Variants in ADCY2 observed in about 807,000 individuals in gnomAD.
ADCY2 encodes the protein adenylate cyclase type 2.
ADCY2 carries 31 observed loss-of-function variants against 125.2 expected under a neutral mutation model. That is an observed-to-expected ratio of 0.25 (90% CI 0.19 to 0.33). The LOEUF is 0.33. ADCY2 is among the 10% of genes least tolerant of loss of function. The pLI, the probability that ADCY2 is intolerant of heterozygous loss-of-function variation, is 1.00. For synonymous variants in ADCY2, 512 were observed against 548.4 expected (o/e 0.93, Z 0.93); for missense variants, 904 against 1,418.2 (o/e 0.64, Z 5.82).
At chr5:7,798,438 A>G (rs959869031) in intron 20 of ADCY2, 20 of 152,310 alleles carry the variant, frequency 1.3e-4, no homozygotes, top group African/African-American at 4.8e-4. Context: ...AAACCCAGCT[A>G]GCAAGTTAGG....
At chr5:7,801,449 G>T (rs899563936) in intron 20 of ADCY2, 1 of 152,218 alleles carries the variant, frequency 6.6e-6, no homozygotes. Flanking sequence ...GCCATCTCAG[G>T]GGTCTGAGGA....
intron 19 of ADCY2, among the ~76,000 whole-genome samples, 183 bp from the exon 20 acceptor site, chr5:7,789,459 A>G (rs529088985): frequency 1.3e-5 from 2 of 152,158 alleles, no homozygotes; most frequent in East Asian, 3.9e-4. Flanking sequence ...TTGCAAATCC[A>G]TGTCAGAGGT....
Position 7,783,500 on chromosome 5 carries a change from C to T in ADCY2, c.2385-865C>T, listed in dbSNP as rs1412848102. ...ACTACACCAAAGCCTCTTGTTATCT[C>T]GTTTGTCCTTGAACCCCCCACAGAG... On this transcript the variant is annotated intron_variant, in intron 18 of 24. Transcript: ENST00000338316. 3.3e-5 allele frequency among the ~76,000 whole-genome samples: 5 copies of T among 151,876 alleles called. No homozygotes were observed. In the East Asian group the frequency reaches 5.8e-4, roughly 18 times the overall value.
chr5:7,654,756 T>C (rs955769839), intron 4 of ADCY2, among the ~76,000 whole-genome samples: 3 of 152,142 alleles, frequency 2.0e-5, no homozygotes, highest in African/African-American at 7.2e-5. Flanking sequence ...TTAATAAACA[T>C]TGCTGCCACT....
At chr5:7,826,222 TCCTC>T (rs1306888908) in intron 24 of ADCY2, among the ~76,000 whole-genome samples, 13 of 152,132 alleles carry the variant, frequency 8.5e-5, no homozygotes, top group African/African-American at 2.7e-4. Flanking sequence ...CTCGGGGTGT[TCCTC>T]CCATCGACAC....
At chr5:7,495,143 T>C (rs547620255) in intron 2 of ADCY2, among the ~76,000 whole-genome samples, 1 of 152,360 alleles carries the variant, frequency 6.6e-6, no homozygotes, top group Admixed American at 6.5e-5. Flanking sequence ...GTCTAGTCTA[T>C]AAGCCATGTT....
At chr5:7,471,570 A>G (rs896037974) in intron 2 of ADCY2, among the ~76,000 whole-genome samples, 2 of 151,954 alleles carry the variant, frequency 1.3e-5, no homozygotes, top group African/African-American at 4.8e-5. Context: ...CAAATCTATA[A>G]TATGTGGCTA....
chr5:7,457,526 G>A (rs1741729935), intron 2 of ADCY2, among the ~76,000 whole-genome samples: 2 of 152,130 alleles, frequency 1.3e-5, no homozygotes, highest in Admixed American at 6.5e-5. Flanking sequence ...GTCCTTTTCT[G>A]TTGACTACCC....
chr5:7,705,552 G>C (rs991900716), intron 7 of ADCY2, among the ~76,000 whole-genome samples: 2 of 152,138 alleles, frequency 1.3e-5, no homozygotes, highest in East Asian at 3.9e-4. Flanking sequence ...AGCAGAGTCC[G>C]GAGGTGGGGA....
chr5:7,507,510 A>G (rs888792536), intron 2 of ADCY2, among the ~76,000 whole-genome samples: 3 of 151,490 alleles, frequency 2.0e-5, no homozygotes, highest in Non-Finnish European at 2.9e-5. Flanking sequence ...GTTATTTACT[A>G]CCTTCTGAAA....
At chr5:7,397,976 C>G (rs1232159736) in intron 1 of ADCY2, among the ~76,000 whole-genome samples, 1 of 152,146 alleles carries the variant, frequency 6.6e-6, no homozygotes, top group Non-Finnish European at 1.5e-5. Flanking sequence ...ACAAAAAGGA[C>G]TTGGGGAGAG....
intron 12 of ADCY2, among the ~76,000 whole-genome samples, chr5:7,722,629 TA>T (rs1741796155): frequency 6.6e-6 from 1 of 151,888 alleles, no homozygotes; most frequent in Admixed American, 6.6e-5. Context: ...CCCTACAGCT[TA>T]TACCCTTGAA....
At chr5:7,587,833 G>GA (rs1203209008) in intron 3 of ADCY2, among the ~76,000 whole-genome samples, 2 of 152,210 alleles carry the variant, frequency 1.3e-5, no homozygotes, top group African/African-American at 4.8e-5. Context: ...AACGTTGAGA[G>GA]AATCGGTTGA....
intron 2 of ADCY2, among the ~76,000 whole-genome samples, chr5:7,436,052 T>G (rs1276997671): frequency 6.6e-6 from 1 of 152,228 alleles, no homozygotes; most frequent in Non-Finnish European, 1.5e-5. Context: ...CTCTGGAATT[T>G]CTTTGTAACT....
intron 2 of ADCY2, among the ~76,000 whole-genome samples, chr5:7,425,236 G>A (rs1265767190): frequency 2.0e-5 from 3 of 152,194 alleles, no homozygotes; most frequent in African/African-American, 7.2e-5. Flanking sequence ...ACTTTTACAA[G>A]GGAGGAAAAA....
At chr5:7,562,766 A>G (rs890795058) in intron 3 of ADCY2, among the ~76,000 whole-genome samples, 3 of 152,166 alleles carry the variant, frequency 2.0e-5, no homozygotes, top group Non-Finnish European at 2.9e-5. Context: ...GTTTTTACCA[A>G]ATGCTGTCCT....
At chr5:7,533,838 A>C (rs113505160) in intron 3 of ADCY2, among the ~76,000 whole-genome samples, 3,334 of 152,266 alleles carry the variant, frequency 0.022, 119 homozygotes, top group African/African-American at 0.077. Flanking sequence ...TATGAACTAC[A>C]TGTTGGTATG....
intron 4 of ADCY2, among the ~76,000 whole-genome samples, chr5:7,635,932 A>G (rs1422069156): frequency 6.6e-6 from 1 of 152,086 alleles, no homozygotes; most frequent in Non-Finnish European, 1.5e-5. Flanking sequence ...GGTTTTTCCC[A>G]TGTGCCTTTC....
intron 21 of ADCY2, among the ~76,000 whole-genome samples, chr5:7,803,991 T>C (rs1489752957): frequency 2.8e-5 from 4 of 144,988 alleles, no homozygotes; most frequent in Non-Finnish European, 6.0e-5. Context: ...TCTTCTGTCC[T>C]GCAAACAGCA....
Sources: allele counts gnomAD v4.1 joint callset (sites outside exome capture counted in the v4.1 genomes callset), GRCh38; gene constraint gnomAD v4.1.1; transcripts MANE v1.5; gene names NCBI Gene and HGNC (gene_info 2026-07-23, HGNC 2026-07-21).